MSRA: variants seen among roughly 807,000 people sequenced by gnomAD.
MSRA encodes methionine sulfoxide reductase A.
Under a neutral mutation model 31.3 loss-of-function variants are expected in MSRA, and 54 were observed. The ratio of observed to expected loss-of-function variants is 1.73; its 90% CI spans 1.39 to 2.17. The LOEUF is 2.17. Among genes scored for constraint, MSRA ranks in the 30% most tolerant of loss-of-function variants. The probability of loss-of-function intolerance (pLI) is 0.00; values close to 1 mark genes in which losing one functional copy is unlikely to be tolerated. For missense variants in MSRA, 507 were observed against 300.9 expected (o/e 1.69, Z -5.07); for synonymous variants, 169 against 116.5 (o/e 1.45, Z -2.90).
chr8:10,235,213 C>T (rs1056885182), intron 2 of MSRA, among the ~76,000 whole-genome samples: 1 of 152,016 alleles, frequency 6.6e-6, no homozygotes, highest in Admixed American at 6.6e-5. Context: ...TAATGAAGAC[C>T]ACATTCTCTA....
At chr8:10,153,446 C>G (rs1803882469) in intron 1 of MSRA, among the ~76,000 whole-genome samples, 1 of 152,154 alleles carries the variant, frequency 6.6e-6, no homozygotes, top group African/African-American at 2.4e-5. Context: ...TACTCCCTCA[C>G]ATTTGGTTGT....
At chr8:10,311,043 C>T (rs753695570) in intron 4 of MSRA, among the ~76,000 whole-genome samples, 1 of 152,084 alleles carries the variant, frequency 6.6e-6, no homozygotes, top group African/African-American at 2.4e-5. Flanking sequence ...GGTATGAAAT[C>T]ACTAAAAAGA....
intron 3 of MSRA, among the ~76,000 whole-genome samples, chr8:10,284,050 A>T (rs1008907061): frequency 6.6e-6 from 1 of 151,362 alleles, no homozygotes; most frequent in African/African-American, 2.4e-5. Context: ...TGGTAGTTCT[A>T]CTTTTAGTTT....
chr8:10,415,045 C>G (rs754469818), intron 5 of MSRA, among the ~76,000 whole-genome samples: 3 of 152,152 alleles, frequency 2.0e-5, no homozygotes, highest in Non-Finnish European at 2.9e-5. Flanking sequence ...AAGCAGCAGT[C>G]CTTGAATGCA....
intron 3 of MSRA, among the ~76,000 whole-genome samples, chr8:10,258,709 G>A (rs1798311162): frequency 6.6e-6 from 1 of 152,196 alleles, no homozygotes; most frequent in Non-Finnish European, 1.5e-5. Context: ...TCTCCCACGT[G>A]GCAACTCTTC....
intron 3 of MSRA, among the ~76,000 whole-genome samples, chr8:10,284,810 C>T (rs573323089): frequency 2.6e-5 from 4 of 152,222 alleles, no homozygotes; most frequent in African/African-American, 7.2e-5. Context: ...GAAAATAGCT[C>T]TTATTGGCTT....
chr8:10,294,024 C>T (rs1800394038), intron 3 of MSRA, among the ~76,000 whole-genome samples: 1 of 151,990 alleles, frequency 6.6e-6, no homozygotes, highest in Non-Finnish European at 1.5e-5. Flanking sequence ...GCCAACATGG[C>T]GAAACCCCAT....
chr8:10,273,907 C>T (rs1230556882), intron 3 of MSRA, among the ~76,000 whole-genome samples: 1 of 152,138 alleles, frequency 6.6e-6, no homozygotes, highest in Non-Finnish European at 1.5e-5. Flanking sequence ...GAGGCAGCAG[C>T]TATCCTAAGA....
At chr8:10,151,440 G>A (rs1407679810) in intron 1 of MSRA, among the ~76,000 whole-genome samples, 1 of 151,648 alleles carries the variant, frequency 6.6e-6, no homozygotes, top group East Asian at 1.9e-4. Context: ...TCAGGATATC[G>A]AGACCATCCT....
chr8:10,426,815 C>G (rs534208636), intron 5 of MSRA, among the ~76,000 whole-genome samples: 2 of 152,304 alleles, frequency 1.3e-5, no homozygotes, highest in East Asian at 3.9e-4. Context: ...ATGGTAGACC[C>G]TCAATAATTG....
intron 3 of MSRA, among the ~76,000 whole-genome samples, chr8:10,291,505 A>G (rs2129116998): frequency 6.6e-6 from 1 of 151,906 alleles, no homozygotes; most frequent in East Asian, 1.9e-4. Context: ...TTGATGTATT[A>G]GGATTTTTTT....
chr8:10,096,007 C>A, intron 1 of MSRA: 1 of 1,442,912 alleles, frequency 6.9e-7, no homozygotes, highest in South Asian at 1.6e-5. Context: ...GCTTTCAAAT[C>A]AAATCAGAAA....
chr8:10,285,693 T>G (rs1432084707), intron 3 of MSRA, among the ~76,000 whole-genome samples: 1 of 151,638 alleles, frequency 6.6e-6, no homozygotes, highest in African/African-American at 2.4e-5. Context: ...ACTCTCTACT[T>G]CTATAAGATC....
At chr8:10,321,618 G>A (rs1482359749) in intron 5 of MSRA, among the ~76,000 whole-genome samples, 1 of 152,208 alleles carries the variant, frequency 6.6e-6, no homozygotes, top group Non-Finnish European at 1.5e-5. Flanking sequence ...ATGAATGACA[G>A]CAGTGATGGG....
chr8:10,177,264 A>G (rs767377069), intron 1 of MSRA, among the ~76,000 whole-genome samples: 11 of 152,124 alleles, frequency 7.2e-5, no homozygotes, highest in Non-Finnish European at 1.6e-4. Flanking sequence ...TTGGTGGGGG[A>G]TTGGTTTATT....
intron 1 of MSRA, among the ~76,000 whole-genome samples, chr8:10,175,254 T>C (rs1025706865): frequency 7.9e-5 from 12 of 152,244 alleles, no homozygotes; most frequent in Non-Finnish European, 5.9e-5. Context: ...ATTGTTTTAT[T>C]TGACTTCCTC....
At chr8:10,251,497 C>T (rs1797913697) in intron 3 of MSRA, among the ~76,000 whole-genome samples, 1 of 152,162 alleles carries the variant, frequency 6.6e-6, no homozygotes, top group Non-Finnish European at 1.5e-5. Context: ...TCAGTTCTTG[C>T]TACAAGCAAT....
At chr8:10,414,550 C>T (rs1191235224) in intron 5 of MSRA, among the ~76,000 whole-genome samples, 1 of 152,208 alleles carries the variant, frequency 6.6e-6, no homozygotes, top group Non-Finnish European at 1.5e-5. Flanking sequence ...TGCAGTGAGA[C>T]TATTCTTTCT....
intron 5 of MSRA, among the ~76,000 whole-genome samples, chr8:10,357,092 T>G (rs1164636799): frequency 6.6e-6 from 1 of 152,160 alleles, no homozygotes; most frequent in Non-Finnish European, 1.5e-5. Flanking sequence ...CAAGTCTATC[T>G]CTTTAACAAA....
Sources: gnomAD v4.1 joint callset for allele counts (sites outside exome capture counted in the v4.1 genomes callset) on GRCh38, gnomAD v4.1.1 for gene constraint, MANE v1.5 for transcripts, NCBI Gene and HGNC (gene_info 2026-07-23, HGNC 2026-07-21) for gene names.